The following CDH4 variants were observed in gnomAD, a reference collection of about 807,000 sequenced individuals.
CDH4 encodes the protein cadherin 4.
Under a neutral mutation model 86.0 loss-of-function variants are expected in CDH4, and 33 were observed. The ratio of observed to expected loss-of-function variants is 0.38; its 90% CI spans 0.29 to 0.51. The LOEUF (loss-of-function observed/expected upper bound fraction) is 0.51, where lower values mean the gene tolerates loss of function less well. CDH4 is among the 20% of genes least tolerant of loss of function. The pLI, the probability that CDH4 is intolerant of heterozygous loss-of-function variation, is 0.86. For missense variants in CDH4, 1,114 were observed against 1,307.4 expected (o/e 0.85, Z 2.28); for synonymous variants, 555 against 549.4 (o/e 1.01, Z -0.14).
intron 2 of CDH4, among the ~76,000 whole-genome samples, chr20:61,548,514 A>G (rs1017088467): frequency 1.3e-5 from 2 of 152,102 alleles, no homozygotes; most frequent in Non-Finnish European, 2.9e-5. Context: ...AAAATTTAAT[A>G]TGGAACTATC....
At chr20:61,922,633 AGAG>A (rs1461124351) in intron 9 of CDH4, among the ~76,000 whole-genome samples, 2 of 152,244 alleles carry the variant, frequency 1.3e-5, no homozygotes, top group African/African-American at 4.8e-5. Flanking sequence ...AGGAGGTTGT[AGAG>A]GAGAACCCAC....
At chr20:61,432,312 T>C (rs777288208) in intron 2 of CDH4, among the ~76,000 whole-genome samples, 78 of 152,352 alleles carry the variant, frequency 5.1e-4, no homozygotes, top group Middle Eastern at 3.4e-3. Flanking sequence ...GTCAGTTCTT[T>C]AAATTATGGC....
At position 61,807,535 on chromosome 20, in the gene CDH4, A is replaced by G. The variant is rs560171159; in HGVS notation, c.576+34353A>G. Among the ~76,000 whole-genome samples, 4 of 152,298 alleles carry G rather than the reference A, an allele frequency of 2.6e-5. No individual in the cohort carries two copies. The South Asian group carries it at 8.3e-4, about 32-fold the overall frequency. On this transcript the variant is annotated intron_variant, in intron 4 of 15. Coordinates refer to ENST00000614565, the MANE Select transcript of CDH4 (RefSeq NM_001794.5). This position sits in a 1 kb window ranked among gnomAD's most constrained non-coding sequence, Gnocchi z 4.5. Reference sequence around the variant, plus strand: ...AAGTTGCAGCCCTTTCTCCCCGTCAAGGTGCAGCTGTGTCCACCATCAGCG... The same window carrying G: ...AAGTTGCAGCCCTTTCTCCCCGTCAGGGTGCAGCTGTGTCCACCATCAGCG...
At chr20:61,581,035 C>T (rs2086424172) in intron 2 of CDH4, among the ~76,000 whole-genome samples, 1 of 152,202 alleles carries the variant, frequency 6.6e-6, no homozygotes, top group Non-Finnish European at 1.5e-5. Context: ...AGGGCACTAT[C>T]CAAAAGGAAA....
intron 2 of CDH4, among the ~76,000 whole-genome samples, chr20:61,280,900 G>A (rs1226972173): frequency 6.6e-6 from 1 of 152,214 alleles, no homozygotes; most frequent in Non-Finnish European, 1.5e-5. Context: ...TCCAGGAACA[G>A]CTCACCCTGC....
At chr20:61,910,129 T>C (rs1467720638) in intron 8 of CDH4, among the ~76,000 whole-genome samples, 3 of 151,874 alleles carry the variant, frequency 2.0e-5, no homozygotes, top group Non-Finnish European at 2.9e-5. Context: ...TGAACACTCG[T>C]TGAGCTGGGC....
intron 2 of CDH4, among the ~76,000 whole-genome samples, chr20:61,701,066 G>C (rs1011371849): frequency 2.0e-5 from 3 of 152,204 alleles, no homozygotes; most frequent in African/African-American, 7.2e-5. Context: ...TTTGACGAAA[G>C]CCGTCAGAGA....
In CDH4 at chr20:61,383,521, G is replaced by GTATGAATATA. The variant is rs1170534334; in HGVS notation, c.169+128610_169+128619dup. The stretch of plus-strand genomic sequence containing the variant: ...TATTATATATGATATATATGAATAT[G>GTATGAATATA]TATGAATATATATGAATATATATGA... On this transcript the variant is annotated intron_variant, in intron 2 of 15. Transcript: ENST00000614565. Among the ~76,000 whole-genome samples the GTATGAATATA allele has an allele frequency of 1.3e-4, 3 of 23,238 alleles. 1 individual carries two copies. Among genetic ancestry groups the GTATGAATATA allele is most frequent in the African/African-American group, 4.5e-4 (2 of 4,466 alleles). 15.2% of individuals were successfully genotyped at this position (23,238 alleles called of 152,430 possible). A position where few individuals can be genotyped will look rare whatever the true frequency, so the allele number is the denominator to read the frequency against.
intron 2 of CDH4, among the ~76,000 whole-genome samples, chr20:61,533,317 G>C (rs1259687577): frequency 6.6e-6 from 1 of 152,194 alleles, no homozygotes; most frequent in Non-Finnish European, 1.5e-5. Flanking sequence ...GGAAGGATCG[G>C]ACACCCAGGA....
At chr20:61,895,898 G>A (rs908886012) in intron 8 of CDH4, among the ~76,000 whole-genome samples, 9 of 152,190 alleles carry the variant, frequency 5.9e-5, no homozygotes, top group Non-Finnish European at 1.2e-4. Context: ...TGGGCACGTG[G>A]CCCAGCCCCG....
At chr20:61,328,562 T>C (rs2084550057) in intron 2 of CDH4, among the ~76,000 whole-genome samples, 1 of 152,176 alleles carries the variant, frequency 6.6e-6, no homozygotes, top group South Asian at 2.1e-4. Flanking sequence ...CACAAGAGGA[T>C]TGCTTGAGCC....
intron 2 of CDH4, among the ~76,000 whole-genome samples, chr20:61,605,501 GTCTCTCCCTTTC>G (rs775425860): frequency 0.025 from 3,751 of 149,892 alleles, 128 homozygotes; most frequent in East Asian, 0.16. Flanking sequence ...CTCCCCCCAT[GTCTCTCCCTTTC>G]TGTCTCTCCC....
intron 2 of CDH4, among the ~76,000 whole-genome samples, chr20:61,466,358 A>G (rs2085471386): frequency 6.6e-6 from 1 of 152,248 alleles, no homozygotes; most frequent in African/African-American, 2.4e-5. Context: ...TTCTCTTAAC[A>G]TGCTAAGAAG....
intron 3 of CDH4, among the ~76,000 whole-genome samples, chr20:61,771,833 T>C (rs78853152): frequency 0.015 from 2,241 of 152,296 alleles, 54 homozygotes; most frequent in African/African-American, 0.051. Flanking sequence ...TCTGGTATTT[T>C]TACTTGTTTA....
chr20:61,861,402 A>G (rs1477017802), intron 6 of CDH4, among the ~76,000 whole-genome samples: 1 of 152,170 alleles, frequency 6.6e-6, no homozygotes, highest in Non-Finnish European at 1.5e-5. Context: ...CGCATACAAC[A>G]TGAGGAAGTG....
chr20:61,583,959 G>A (rs911863693), intron 2 of CDH4, among the ~76,000 whole-genome samples: 1 of 152,198 alleles, frequency 6.6e-6, no homozygotes, highest in Non-Finnish European at 1.5e-5. Context: ...AGGAGTTTGA[G>A]ACCAGCCTGG....
chr20:61,688,364 A>G (rs1384192396), intron 2 of CDH4, among the ~76,000 whole-genome samples: 1 of 151,616 alleles, frequency 6.6e-6, no homozygotes, highest in Non-Finnish European at 1.5e-5. Context: ...ACCGACACCC[A>G]CCACCCAGTG....
chr20:61,358,676 C>G (rs1213834097), intron 2 of CDH4, among the ~76,000 whole-genome samples: 1 of 152,208 alleles, frequency 6.6e-6, no homozygotes, highest in Non-Finnish European at 1.5e-5. Context: ...CTATTGCAAA[C>G]CTCACATTTG....
At chr20:61,276,823 T>C (rs1394402108) in intron 2 of CDH4, among the ~76,000 whole-genome samples, 1 of 152,198 alleles carries the variant, frequency 6.6e-6, no homozygotes, top group African/African-American at 2.4e-5. Flanking sequence ...GATCACATTG[T>C]TCATTGCTGT....
Sources: allele counts gnomAD v4.1 joint callset (sites outside exome capture counted in the v4.1 genomes callset), GRCh38; gene constraint gnomAD v4.1.1; non-coding constraint Gnocchi (gnomAD v3.1); transcripts MANE v1.5; gene names NCBI Gene and HGNC (gene_info 2026-07-23, HGNC 2026-07-21).